Variants in ZBED6 observed in about 807,000 individuals in gnomAD.
ZBED6 encodes zinc finger BED domain-containing protein 6.
ZBED6 carries 40 observed loss-of-function variants against 58.4 expected under a neutral mutation model. That is an observed-to-expected ratio of 0.68 (90% CI 0.53 to 0.89). The LOEUF is 0.89. Among genes scored for constraint, ZBED6 ranks in the 40% least tolerant of loss-of-function variants. The pLI is 0.00. For synonymous variants in ZBED6, 439 were observed against 350.6 expected (o/e 1.25, Z -2.82); for missense variants, 1,057 against 1,003.9 (o/e 1.05, Z -0.71).
intron 1 of ZBED6, among the ~76,000 whole-genome samples, chr1:203,808,451 A>G (rs1212867650): frequency 1.3e-5 from 2 of 152,216 alleles, no homozygotes; most frequent in African/African-American, 4.8e-5. Flanking sequence ...TCTGCCTGGC[A>G]TTTGATGATC....
chr1:203,824,086 A>G (rs12739404), intron 3 of ZBED6, among the ~76,000 whole-genome samples: 33 of 151,900 alleles, frequency 2.2e-4, no homozygotes, highest in Non-Finnish European at 3.5e-4. Context: ...TGGCCAACAC[A>G]GTGAAACCCC....
chr1:203,851,257 A>G, intron 16 of ZBED6, 133 bp downstream of exon 16: 1 of 808,650 alleles, frequency 1.2e-6, no homozygotes, highest in Non-Finnish European at 1.9e-6. Context: ...ATTGCAAGAA[A>G]GTATGAAAAT....
intron 6 of ZBED6, 53 bp from the exon 7 acceptor site, chr1:203,830,070 T>G: frequency 3.4e-6 from 5 of 1,455,546 alleles, no homozygotes; most frequent in Non-Finnish European, 4.8e-6. Flanking sequence ...ACAGATAAAA[T>G]ACAAAGATGA....
exon 17 of ZBED6, chr1:203,852,634 G>A (rs1689545928): frequency 1.9e-6 from 1 of 534,840 alleles, no homozygotes; most frequent in South Asian, 2.1e-5. Context: ...TGAGAAAAAA[G>A]TTCTGTCATA....
exon 17 of ZBED6, chr1:203,853,618 T>C (rs1241895388): frequency 4.6e-5 from 7 of 152,666 alleles, no homozygotes; most frequent in Admixed American, 4.6e-4. Flanking sequence ...GTGGCCAGTT[T>C]TGTTTCTCAT....
chr1:203,814,552 C>T (rs1478909931), intron 1 of ZBED6, among the ~76,000 whole-genome samples: 3 of 151,974 alleles, frequency 2.0e-5, no homozygotes, highest in African/African-American at 7.2e-5. Context: ...AACCTTTCCT[C>T]CAGTTTCCAA....
At chr1:203,847,619 C>T (rs1461970577) in exon 12 of ZBED6, 1 of 1,613,272 alleles carries the variant, frequency 6.2e-7, no homozygotes, top group Non-Finnish European at 8.5e-7. Flanking sequence ...GAGAGCAGCA[C>T]CAGCTCCCCG....
chr1:203,807,258 A>C (rs1672705053), intron 1 of ZBED6, among the ~76,000 whole-genome samples: 1 of 152,152 alleles, frequency 6.6e-6, no homozygotes, highest in African/African-American at 2.4e-5. Context: ...TCAGATGTCC[A>C]AAGCAGCTGT....
intron 3 of ZBED6, among the ~76,000 whole-genome samples, chr1:203,821,197 C>T (rs139488525): frequency 6.6e-6 from 1 of 152,140 alleles, no homozygotes; most frequent in East Asian, 1.9e-4. Flanking sequence ...CCTTTGCTCG[C>T]GCTCTCTTGC....
At chr1:203,806,201 C>A in intron 1 of ZBED6, 1 of 439,842 alleles carries the variant, frequency 2.3e-6, no homozygotes, top group South Asian at 1.8e-5. Context: ...TCCACCATGC[C>A]AATGCAGTCA....
chr1:203,822,171 T>C (rs960627270), intron 3 of ZBED6, among the ~76,000 whole-genome samples: 1 of 152,162 alleles, frequency 6.6e-6, no homozygotes, highest in African/African-American at 2.4e-5. Flanking sequence ...TACCTGTAAC[T>C]CTTCTCCAGA....
At chr1:203,802,369 T>C (rs932489936) in exon 1 of ZBED6, 1 of 152,580 alleles carries the variant, frequency 6.6e-6, no homozygotes, top group Non-Finnish European at 1.5e-5. Flanking sequence ...CTAAAGTCTT[T>C]TATAGTGCAT....
chr1:203,808,248 A>G (rs1192472906), intron 1 of ZBED6, among the ~76,000 whole-genome samples: 1 of 152,274 alleles, frequency 6.6e-6, no homozygotes, highest in Middle Eastern at 3.4e-3. Flanking sequence ...TCTCCTTTAC[A>G]TTCTGGATGA....
In ZBED6 at chr1:203,829,818, A is replaced by C. The variant is rs761618531; in HGVS notation, c.*3240A>C. On this transcript the variant is annotated 3_prime_UTR_variant, in exon 6 of 17. Coordinates refer to ENST00000550078, the Ensembl canonical transcript of ZBED6. Reference sequence around the variant, plus strand: ...GGAAGGTGATGAAACCAAAACACCTACCCTGCAACCAACTCCTGAAGTTCA... The same window carrying C: ...GGAAGGTGATGAAACCAAAACACCTCCCCTGCAACCAACTCCTGAAGTTCA... The C allele has an allele frequency of 3.7e-5, 59 of 1,614,018 alleles. No homozygotes were observed. The highest frequency in any genetic ancestry group is 4.9e-5 in the Non-Finnish European group (58 of 1,180,006).
exon 1 of ZBED6, chr1:203,796,690 T>C (rs1668618397): frequency 2.7e-6 from 1 of 375,062 alleles, no homozygotes; most frequent in South Asian, 1.5e-4. Flanking sequence ...TTGCTATCTC[T>C]ATAGCGTACA....
At chr1:203,833,183 C>A (rs552300633) in intron 8 of ZBED6, among the ~76,000 whole-genome samples, 1 of 152,118 alleles carries the variant, frequency 6.6e-6, no homozygotes, top group African/African-American at 2.4e-5. Context: ...GCCCGACCAA[C>A]GCGGTGAAAC....
intron 1 of ZBED6, among the ~76,000 whole-genome samples, chr1:203,806,679 T>C (rs1194490590): frequency 1.3e-5 from 2 of 152,224 alleles, no homozygotes; most frequent in African/African-American, 4.8e-5. Flanking sequence ...GTTGAATGGG[T>C]GTCCTTTTTT....
exon 12 of ZBED6, chr1:203,847,655 C>T: frequency 6.2e-7 from 1 of 1,612,708 alleles, no homozygotes; most frequent in Non-Finnish European, 8.5e-7. Flanking sequence ...ACTCCAGGGG[C>T]AAGGCGGCTG....
intron 14 of ZBED6, 38 bp from the exon 15 acceptor site, chr1:203,850,477 A>G (rs187307997): frequency 7.8e-5 from 125 of 1,612,016 alleles, no homozygotes; most frequent in Non-Finnish European, 9.5e-5. Context: ...AAAAGAGTCT[A>G]TTCTCACTGC....
Sources: allele counts gnomAD v4.1 joint callset (sites outside exome capture counted in the v4.1 genomes callset), GRCh38; gene constraint gnomAD v4.1.1; transcripts MANE v1.5; gene names NCBI Gene and HGNC (gene_info 2026-07-23, HGNC 2026-07-21).